Variants in SRGAP3 observed in about 807,000 individuals in gnomAD.
SRGAP3 encodes the protein SLIT-ROBO Rho GTPase-activating protein 3.
Under a neutral mutation model 121.1 loss-of-function variants are expected in SRGAP3, and 39 were observed. The ratio of observed to expected loss-of-function variants is 0.32; its 90% CI spans 0.25 to 0.42. SRGAP3 has a LOEUF of 0.42. Among genes scored for constraint, SRGAP3 ranks in the 10% least tolerant of loss-of-function variants. The probability of loss-of-function intolerance (pLI) is 1.00; values close to 1 mark genes in which losing one functional copy is unlikely to be tolerated. For missense variants in SRGAP3, 1,213 were observed against 1,470.6 expected (o/e 0.82, Z 2.86); for synonymous variants, 601 against 570.0 (o/e 1.05, Z -0.77).
chr3:8,990,881 A>G, intron 20 of SRGAP3, 42 bp from the exon 21 acceptor site: 1 of 1,454,650 alleles, frequency 6.9e-7, no homozygotes, highest in Non-Finnish European at 9.0e-7. Context: ...GGCAGAGGTC[A>G]AGCCTGGCAA....
chr3:8,999,411 C>T (rs1333589580), intron 18 of SRGAP3, among the ~76,000 whole-genome samples: 1 of 152,194 alleles, frequency 6.6e-6, no homozygotes, highest in African/African-American at 2.4e-5. Context: ...GACATTTATG[C>T]TTCTCTACCC....
intron 1 of SRGAP3, among the ~76,000 whole-genome samples, chr3:9,154,999 T>C (rs1324465354): frequency 6.7e-6 from 1 of 148,718 alleles, no homozygotes; most frequent in Non-Finnish European, 1.5e-5. Flanking sequence ...ATGTTTTTTG[T>C]TTTTTGTTTT....
intron 11 of SRGAP3, 37 bp downstream of exon 11, chr3:9,038,026 C>G (rs1944844275): frequency 1.9e-6 from 3 of 1,613,996 alleles, no homozygotes; most frequent in Non-Finnish European, 2.5e-6. Flanking sequence ...CCACCTCGGG[C>G]AGCAGATGAA....
rs1941464667 is a variant in SRGAP3, at chr3:8,982,393, G to A, written c.*3126C>T. 2 of 225,440 alleles carry A rather than the reference G, an allele frequency of 8.9e-6. No individual in the cohort carries two copies. The highest frequency in any genetic ancestry group is 3.7e-4 in the South Asian group (2 of 5,456). 14.0% of individuals were successfully genotyped at this position (225,440 alleles called of 1,614,324 possible). A position where few individuals can be genotyped will look rare whatever the true frequency, so the allele number is the denominator to read the frequency against. ...CCCTTGTACAATTGGTTATATTGAAGACTACTAACTAGGTTACTACATTTC... is the reference window on the plus strand; with the variant it reads ...CCCTTGTACAATTGGTTATATTGAAAACTACTAACTAGGTTACTACATTTC... On this transcript the variant is annotated 3_prime_UTR_variant, in exon 22 of 22. Coordinates refer to ENST00000383836, the MANE Select transcript of SRGAP3 (RefSeq NM_014850.4).
At chr3:9,112,872 C>A (rs956936171) in intron 2 of SRGAP3, among the ~76,000 whole-genome samples, 1 of 152,192 alleles carries the variant, frequency 6.6e-6, no homozygotes, top group Non-Finnish European at 1.5e-5. Flanking sequence ...GGTGCCCAGG[C>A]CAACCTGGGC....
At chr3:9,153,438 T>C (rs1361921798) in intron 1 of SRGAP3, among the ~76,000 whole-genome samples, 1 of 152,174 alleles carries the variant, frequency 6.6e-6, no homozygotes, top group Non-Finnish European at 1.5e-5. Flanking sequence ...CACACAGTTA[T>C]GAAAACCCAA....
At chr3:9,079,570 G>A (rs560919997) in intron 4 of SRGAP3, among the ~76,000 whole-genome samples, 41 of 152,282 alleles carry the variant, frequency 2.7e-4, no homozygotes, top group African/African-American at 8.7e-4. Context: ...CCTCGGAACC[G>A]TGCTCCATTT....
chr3:9,275,927 T>C (rs77576008), intron 3 of SRGAP3, among the ~76,000 whole-genome samples: 2 of 152,030 alleles, frequency 1.3e-5, no homozygotes, highest in Non-Finnish European at 2.9e-5. Flanking sequence ...CAGCCAGTCA[T>C]GGTGGCTCAC....
chr3:9,128,894 G>C (rs1473576435), intron 1 of SRGAP3, among the ~76,000 whole-genome samples: 1 of 152,200 alleles, frequency 6.6e-6, no homozygotes, highest in East Asian at 1.9e-4. Context: ...AAGTGGTCAC[G>C]TTTGACGGGT....
At chr3:9,041,058 GAAGCTTAGTACCAAATGAGTCAAT>G (rs1944987752) in intron 10 of SRGAP3, among the ~76,000 whole-genome samples, 1 of 152,214 alleles carries the variant, frequency 6.6e-6, no homozygotes, top group Non-Finnish European at 1.5e-5. Context: ...CTATCTGCAA[GAAGCTTAGTACCAAATGAGTCAAT>G]AAGCAGATTA....
At chr3:9,197,482 A>G (rs773338574) in intron 1 of SRGAP3, among the ~76,000 whole-genome samples, 2 of 152,266 alleles carry the variant, frequency 1.3e-5, no homozygotes, top group African/African-American at 2.4e-5. Flanking sequence ...GTTTATTTCA[A>G]TATCAGTTAA....
chr3:9,217,444 G>C (rs1053785316), intron 1 of SRGAP3: 11 of 152,194 alleles, frequency 7.2e-5, no homozygotes, highest in Non-Finnish European at 1.6e-4. Flanking sequence ...CCTTGGACAA[G>C]GCTGGGGTTT....
chr3:9,084,402 GC>G (rs1947371280), intron 3 of SRGAP3, among the ~76,000 whole-genome samples: 2 of 152,128 alleles, frequency 1.3e-5, no homozygotes, highest in South Asian at 2.1e-4. Flanking sequence ...GAAAGTTTTA[GC>G]TTTTCTACTG....
chr3:9,227,938 G>A (rs1020377594), intron 1 of SRGAP3, among the ~76,000 whole-genome samples: 2 of 152,194 alleles, frequency 1.3e-5, no homozygotes, highest in Admixed American at 6.5e-5. Flanking sequence ...TCTCCATGGT[G>A]AAGTTTGAAA....
At chr3:9,193,591 G>C (rs1293013981) in intron 1 of SRGAP3, 2 of 152,320 alleles carry the variant, frequency 1.3e-5, no homozygotes, top group Non-Finnish European at 2.9e-5. Flanking sequence ...CTGGGGAGGT[G>C]GGACTAAGAT....
chr3:9,086,587 GTA>G (rs967256831), intron 3 of SRGAP3, among the ~76,000 whole-genome samples: 2 of 147,608 alleles, frequency 1.4e-5, no homozygotes, highest in African/African-American at 2.5e-5. Flanking sequence ...ATGTGTGTGT[GTA>G]TATATATAGG....
chr3:9,053,010 C>T lies in SRGAP3; in HGVS notation c.1323+17G>A, dbSNP rs774275882. On this transcript the variant is annotated intron_variant, in intron 9 of 21. Transcript: ENST00000383836. ...GCTTGGCCGACAGTGTGGTTCTGGG[C>T]CCAGGATGCCACTTACTGTAAAATA... 1 of 1,612,330 alleles carries T rather than the reference C, an allele frequency of 6.2e-7. No homozygotes were observed. The highest frequency in any genetic ancestry group is 1.9e-4 in the Middle Eastern group (1 of 5,146).
intron 3 of SRGAP3, among the ~76,000 whole-genome samples, chr3:9,261,861 T>A (rs1954261620): frequency 8.0e-6 from 1 of 125,506 alleles, no homozygotes. Context: ...ACCACAAAGA[T>A]ACTCCTCATA....
At chr3:9,169,826 A>C (rs1423293348) in intron 1 of SRGAP3, among the ~76,000 whole-genome samples, 1 of 152,182 alleles carries the variant, frequency 6.6e-6, no homozygotes, top group Admixed American at 6.5e-5. Flanking sequence ...GTGCTTTCTG[A>C]AGGGGAGGAT....
Sources: allele counts gnomAD v4.1 joint callset (sites outside exome capture counted in the v4.1 genomes callset), GRCh38; gene constraint gnomAD v4.1.1; transcripts MANE v1.5; gene names NCBI Gene and HGNC (gene_info 2026-07-23, HGNC 2026-07-21).